Variants in GSTO2 observed in about 807,000 individuals in gnomAD.
GSTO2 encodes the protein glutathione S-transferase omega-2.
A neutral mutation model predicts 28.4 loss-of-function variants in GSTO2; 23 were observed. The observed-to-expected ratio is 0.81, with a 90% CI of 0.58 to 1.15. The LOEUF (loss-of-function observed/expected upper bound fraction) is 1.15, where lower values mean the gene tolerates loss of function less well. Among genes scored for constraint, GSTO2 ranks in the 50% most tolerant of loss-of-function variants. The pLI is 0.00. For missense variants in GSTO2, 298 were observed against 297.8 expected (o/e 1.00, Z 0.00); for synonymous variants, 109 against 111.0 (o/e 0.98, Z 0.11).
At chr10:104,282,231 A>G (rs1244182313) in intron 5 of GSTO2, among the ~76,000 whole-genome samples, 4 of 147,980 alleles carry the variant, frequency 2.7e-5, no homozygotes, top group Non-Finnish European at 5.9e-5. Context: ...GTTTCAAAAA[A>G]AAAAAAAAAA....
intron 4 of GSTO2, among the ~76,000 whole-genome samples, chr10:104,278,424 C>T (rs1408168481): frequency 6.6e-6 from 1 of 152,240 alleles, no homozygotes; most frequent in East Asian, 1.9e-4. Flanking sequence ...GGGAGTATTT[C>T]TCCAGCTTCA....
At position 104,304,522 on chromosome 10, in the gene GSTO2, A is replaced by G. The variant is rs1490697037; in HGVS notation, c.*5238A>G. 1 of 152,208 alleles carries G rather than the reference A, an allele frequency of 6.6e-6. No homozygotes were observed. Among genetic ancestry groups the G allele is most frequent in the East Asian group, 1.9e-4 (1 of 5,204 alleles). 9.4% of individuals were successfully genotyped at this position (152,208 alleles called of 1,614,324 possible). A position where few individuals can be genotyped will look rare whatever the true frequency, so the allele number is the denominator to read the frequency against. On this transcript the variant is annotated 3_prime_UTR_variant, in exon 7 of 7. Transcript: ENST00000338595. ...TTCTTGAGTAAGTTGCTACACCTCT[A>G]TTAGCCTCAGTTTCTTATCTGTAAA... is the stretch of plus-strand genomic sequence containing the variant.
In GSTO2 at chr10:104,287,023, G is replaced by A. The variant is rs2012473932; in HGVS notation, c.468+7552G>A. Among the ~76,000 whole-genome samples the A allele has an allele frequency of 2.0e-5, 3 of 152,150 alleles. No homozygotes were observed. The South Asian group carries it at 6.2e-4, about 32-fold the overall frequency. ...GTATATTTTATGTAGTTGAAACTTG[G>A]TTACTATTATGATGTAAATATTCCC... is the stretch of plus-strand genomic sequence containing the variant. On this transcript the variant is annotated intron_variant, in intron 5 of 6. Coordinates refer to ENST00000338595, the MANE Select transcript of GSTO2 (RefSeq NM_183239.2).
intron 5 of GSTO2, among the ~76,000 whole-genome samples, chr10:104,279,981 A>G (rs1189567616): frequency 6.6e-6 from 1 of 152,034 alleles, no homozygotes; most frequent in Non-Finnish European, 1.5e-5. Flanking sequence ...TAGGCAACAT[A>G]GCAAGACCCC....
At chr10:104,275,355 G>C in intron 3 of GSTO2, 21 bp downstream of exon 3, 1 of 1,611,746 alleles carries the variant, frequency 6.2e-7, no homozygotes, top group Non-Finnish European at 8.5e-7. Flanking sequence ...GGAACCCAGA[G>C]CCCCCGAGCA....
chr10:104,304,495 C>G lies in GSTO2; in HGVS notation c.*5211C>G, dbSNP rs1289352568. 1 of 152,200 alleles carries G rather than the reference C, an allele frequency of 6.6e-6. No homozygotes were observed. The highest frequency in any genetic ancestry group is 1.5e-5 in the Non-Finnish European group (1 of 68,042). The allele number at this position is 152,200 out of a possible 1,614,324, so 9.4% of individuals were successfully genotyped here. ...ATCAAATTCCGACTTTGCAACTTAACTTTCTTGAGTAAGTTGCTACACCTC... is the reference window on the plus strand; with the variant it reads ...ATCAAATTCCGACTTTGCAACTTAAGTTTCTTGAGTAAGTTGCTACACCTC... On this transcript the variant is annotated 3_prime_UTR_variant, in exon 7 of 7. Coordinates refer to ENST00000338595, the MANE Select transcript of GSTO2 (RefSeq NM_183239.2).
At chr10:104,296,613 T>TAAAAAAAAAAAAAAAAAAAAAAA (rs11347549) in intron 5 of GSTO2, 1 of 66,518 alleles carries the variant, frequency 1.5e-5, no homozygotes. Flanking sequence ...AGACCCTATC[T>TAAAAAAAAAAAAAAAAAAAAAAA]AAAAAAAAAA....
chr10:104,275,067 G>A, intron 2 of GSTO2, 118 bp downstream of exon 2: 1 of 1,493,262 alleles, frequency 6.7e-7, no homozygotes, highest in Non-Finnish European at 8.9e-7. Flanking sequence ...GACTTGGAGG[G>A]CTCTCCTGAA....
chr10:104,299,110 T>C lies in GSTO2; in HGVS notation c.576-18T>C, dbSNP rs774808106. 10 of 1,610,012 alleles carry C rather than the reference T, an allele frequency of 6.2e-6. No individual in the cohort carries two copies. The African/African-American group carries it at 1.2e-4, about 19-fold the overall frequency. On this transcript the variant is annotated intron_variant, in intron 6 of 6. Transcript: ENST00000338595. ...GCCTACCCCTGCACTGTGCTGACGC[T>C]TCTTTCCTGTCTTGCAGCTGTGTGA...
intron 5 of GSTO2, among the ~76,000 whole-genome samples, chr10:104,284,183 A>T (rs1350631658): frequency 6.6e-6 from 1 of 151,958 alleles, no homozygotes; most frequent in African/African-American, 2.4e-5. Flanking sequence ...AACATGGCAA[A>T]ACCTTATCTC....
At chr10:104,278,732 C>T (rs1339771748) in intron 4 of GSTO2, among the ~76,000 whole-genome samples, 2 of 152,136 alleles carry the variant, frequency 1.3e-5, no homozygotes, top group Non-Finnish European at 2.9e-5. Flanking sequence ...CTGCCTGCCT[C>T]GGCCTCCCAA....
At chr10:104,283,306 G>T (rs913376932) in intron 5 of GSTO2, among the ~76,000 whole-genome samples, 2 of 152,218 alleles carry the variant, frequency 1.3e-5, no homozygotes, top group African/African-American at 4.8e-5. Context: ...TTTGAATGTG[G>T]TTTTGTCCCA....
intron 5 of GSTO2, among the ~76,000 whole-genome samples, chr10:104,282,566 A>AAAG (rs1000304365): frequency 1.3e-5 from 2 of 150,804 alleles, no homozygotes; most frequent in Non-Finnish European, 2.9e-5. Context: ...AAAAAAAAAA[A>AAAG]AAGAAGAAGA....
Position 104,299,073 on chromosome 10 carries a change from C to G in GSTO2, c.576-55C>G, listed in dbSNP as rs35923331. 10,419 of 1,475,870 alleles carry G rather than the reference C, an allele frequency of 7.1e-3. 682 individuals are homozygous for G. In the African/African-American group the frequency reaches 0.13, roughly 19 times the overall value. 91.4% of individuals were successfully genotyped at this position (1,475,870 alleles called of 1,614,324 possible). A position where few individuals can be genotyped will look rare whatever the true frequency, so the allele number is the denominator to read the frequency against. ...GCAAATCTAAAAAGCAACGTGCATCCCCTTTCCTGATGCCTACCCCTGCAC... is the reference window on the plus strand; with the variant it reads ...GCAAATCTAAAAAGCAACGTGCATCGCCTTTCCTGATGCCTACCCCTGCAC... On this transcript the variant is annotated intron_variant, in intron 6 of 6. Coordinates refer to ENST00000338595, the MANE Select transcript of GSTO2 (RefSeq NM_183239.2).
intron 5 of GSTO2, chr10:104,288,555 T>G (rs1316647501): frequency 6.6e-6 from 1 of 152,236 alleles, no homozygotes; most frequent in Non-Finnish European, 1.5e-5. Context: ...AAAAGATATT[T>G]GTTTGTTGAA....
chr10:104,279,975 C>T lies in GSTO2; in HGVS notation c.468+504C>T, dbSNP rs574108971. On this transcript the variant is annotated intron_variant, in intron 5 of 6. Transcript: ENST00000338595. ...CCTAGAAGTTTAAGACCAGCCTAGGCAACATAGCAAGACCCCTCCTCTACA... is the reference window on the plus strand; with the variant it reads ...CCTAGAAGTTTAAGACCAGCCTAGGTAACATAGCAAGACCCCTCCTCTACA... Among the ~76,000 whole-genome samples the T allele has an allele frequency of 2.0e-4, 30 of 152,106 alleles. No individual in the cohort carries two copies. In the South Asian group the frequency reaches 5.8e-3, roughly 29 times the overall value.
At chr10:104,270,015 CTT>C (rs762585008) in intron 1 of GSTO2, among the ~76,000 whole-genome samples, 11 of 141,666 alleles carry the variant, frequency 7.8e-5, no homozygotes, top group Admixed American at 2.8e-4. Flanking sequence ...TAGTATCTAC[CTT>C]TTTTTTTTTT....
intron 1 of GSTO2, among the ~76,000 whole-genome samples, chr10:104,272,890 G>T (rs536329489): frequency 9.9e-5 from 15 of 152,212 alleles, no homozygotes; most frequent in African/African-American, 3.6e-4. Context: ...GGGATTACAG[G>T]CATGAGCCAC....
chr10:104,284,241 T>A (rs276200), intron 5 of GSTO2, among the ~76,000 whole-genome samples: 6,526 of 152,092 alleles, frequency 0.043, 504 homozygotes, highest in African/African-American at 0.15. Context: ...ATACCCGTGG[T>A]CCCTGCTACT....
Sources: gnomAD v4.1 joint callset for allele counts (sites outside exome capture counted in the v4.1 genomes callset) on GRCh38, gnomAD v4.1.1 for gene constraint, MANE v1.5 for transcripts, NCBI Gene and HGNC (gene_info 2026-07-23, HGNC 2026-07-21) for gene names.